The following OLFM2 variants were observed in gnomAD, a reference collection of about 807,000 sequenced individuals.
OLFM2 encodes the protein noelin-2.
OLFM2 carries 20 observed loss-of-function variants against 43.9 expected under a neutral mutation model. That is an observed-to-expected ratio of 0.46 (90% CI 0.32 to 0.66). The LOEUF is 0.66. Among genes scored for constraint, OLFM2 ranks in the 30% least tolerant of loss-of-function variants. The pLI is 0.04. For synonymous variants in OLFM2, 268 were observed against 278.6 expected (o/e 0.96, Z 0.38); for missense variants, 416 against 643.6 (o/e 0.65, Z 3.83).
chr19:9,927,526 C>T (rs930239951), intron 1 of OLFM2, among the ~76,000 whole-genome samples: 10 of 152,154 alleles, frequency 6.6e-5, no homozygotes, highest in African/African-American at 2.2e-4. Context: ...TGACCAATGA[C>T]TTTCTTCTGT....
At chr19:9,862,801 C>A (rs2046373501) in intron 1 of OLFM2, among the ~76,000 whole-genome samples, 1 of 151,900 alleles carries the variant, frequency 6.6e-6, no homozygotes, top group Non-Finnish European at 1.5e-5. Flanking sequence ...ATGGTAAAAC[C>A]CCGTCTCTAC....
chr19:9,920,444 G>C (rs1198120279), intron 1 of OLFM2, among the ~76,000 whole-genome samples: 5 of 152,044 alleles, frequency 3.3e-5, no homozygotes, highest in Non-Finnish European at 7.4e-5. Flanking sequence ...AGAAATGAGA[G>C]ATTATTTACT....
chr19:9,926,619 A>G (rs193137415), intron 1 of OLFM2, among the ~76,000 whole-genome samples: 1 of 152,258 alleles, frequency 6.6e-6, no homozygotes, highest in African/African-American at 2.4e-5. Context: ...TTTTACCACA[A>G]TTAAAAATTT....
chr19:9,898,447 G>A (rs949252020), intron 1 of OLFM2, among the ~76,000 whole-genome samples: 10 of 151,910 alleles, frequency 6.6e-5, no homozygotes, highest in South Asian at 6.2e-4. Context: ...GCTTGAACCC[G>A]GGAGGTGGAG....
intron 1 of OLFM2, among the ~76,000 whole-genome samples, chr19:9,895,406 GA>G (rs2144968543): frequency 6.6e-6 from 1 of 152,026 alleles, no homozygotes; most frequent in Admixed American, 6.6e-5. Flanking sequence ...TGAGGTGGGG[GA>G]TCACTTGAGC....
chr19:9,915,994 T>C (rs748067533), intron 1 of OLFM2, among the ~76,000 whole-genome samples: 1 of 152,082 alleles, frequency 6.6e-6, no homozygotes, highest in Non-Finnish European at 1.5e-5. Flanking sequence ...TAAGGAATGA[T>C]GATGTTTGTA....
chr19:9,916,860 C>G (rs1348610326), intron 1 of OLFM2, among the ~76,000 whole-genome samples: 1 of 152,198 alleles, frequency 6.6e-6, no homozygotes, highest in African/African-American at 2.4e-5. Flanking sequence ...ATCATTCTCA[C>G]AGTCAGTCAG....
At chr19:9,913,439 G>A (rs868338971) in intron 1 of OLFM2, 3 of 1,013,086 alleles carry the variant, frequency 3.0e-6, no homozygotes, top group South Asian at 4.4e-5. Flanking sequence ...TGTGGCGCGG[G>A]TACCACGCCC....
intron 1 of OLFM2, among the ~76,000 whole-genome samples, chr19:9,909,766 C>T (rs1023543753): frequency 1.3e-5 from 2 of 152,172 alleles, no homozygotes; most frequent in African/African-American, 2.4e-5. Context: ...CATTTGTTCT[C>T]CCCAGTCCTG....
At chr19:9,901,873 T>C (rs1339429770) in intron 1 of OLFM2, among the ~76,000 whole-genome samples, 2 of 152,228 alleles carry the variant, frequency 1.3e-5, no homozygotes, top group African/African-American at 4.8e-5. Context: ...GAAACGCCAT[T>C]GTGCATTAGA....
rs1291096301 is a variant in OLFM2, at chr19:9,865,498, T to TC, written c.64-4705_64-4704insG. Among the ~76,000 whole-genome samples, 74 of 135,442 alleles carry TC rather than the reference T, an allele frequency of 5.5e-4. 1 individual carries two copies. The East Asian group carries it at 0.015, about 28-fold the overall frequency. The allele number at this position is 135,442 out of a possible 152,430, so 88.9% of individuals were successfully genotyped here. ...TCTCTGTTTTTTCTTTTTTTTTTTT[T>TC]TTTTTTTTTTTGAGAGGGAGTCTTG... On this transcript the variant is annotated intron_variant, in intron 1 of 5. Coordinates refer to ENST00000264833, the MANE Select transcript of OLFM2 (RefSeq NM_058164.4).
intron 1 of OLFM2, among the ~76,000 whole-genome samples, chr19:9,916,591 C>A (rs148111575): frequency 6.6e-6 from 1 of 152,128 alleles, no homozygotes; most frequent in Admixed American, 6.6e-5. Context: ...TGATTTCAGA[C>A]CCTAAGACCA....
At position 9,857,771 on chromosome 19, in the gene OLFM2, T is replaced by G; in HGVS notation, c.304A>C (p.Ser102Arg). The G allele has an allele frequency of 6.2e-7, 1 of 1,614,096 alleles. No individual in the cohort carries two copies. The highest frequency in any genetic ancestry group is 8.5e-7 in the Non-Finnish European group (1 of 1,180,032). Residue 102 changes from serine to arginine, a missense_variant, in exon 3 of 6, where the codon AGC (serine) becomes CGC (arginine). Ser to Arg is a moderately radical substitution (Grantham distance 110, BLOSUM62 -1). Coordinates refer to ENST00000264833, the MANE Select transcript of OLFM2 (RefSeq NM_058164.4). This position sits in a 1 kb window ranked among gnomAD's most constrained non-coding sequence, Gnocchi z 5.7. ...GCTGCCCGGAGCCGCGCATCCAGGC[T>G]CCGCATGAGGGTCTCCATGCCGCGT... ...YVRGMETLMRSLDARLRAADG... is the reference protein window; with the variant it reads ...YVRGMETLMRRLDARLRAADG...
At chr19:9,920,694 G>C (rs1236694481) in intron 1 of OLFM2, among the ~76,000 whole-genome samples, 1 of 148,838 alleles carries the variant, frequency 6.7e-6, no homozygotes, top group South Asian at 2.1e-4. Flanking sequence ...CCAGGAGTTC[G>C]AGACCACCCT....
intron 2 of OLFM2, 134 bp downstream of exon 2, chr19:9,860,511 G>C (rs1406435408): frequency 1.1e-6 from 1 of 915,794 alleles, no homozygotes; most frequent in Non-Finnish European, 1.6e-6. Flanking sequence ...CTGGAGAGGA[G>C]CTGGATTATC....
intron 1 of OLFM2, among the ~76,000 whole-genome samples, chr19:9,932,468 AAAAG>A (rs1405094257): frequency 1.2e-3 from 175 of 141,888 alleles, no homozygotes; most frequent in Non-Finnish European, 1.9e-3. Context: ...AAAAAAAAAA[AAAAG>A]AAAGAAAGAG....
chr19:9,862,988 C>CA (rs33975846), intron 1 of OLFM2, among the ~76,000 whole-genome samples: 126,038 of 135,754 alleles, frequency 0.93, 58,935 homozygotes, highest in Non-Finnish European at 0.99. Flanking sequence ...AACTCTGTCT[C>CA]AAAAAAAAAA....
intron 1 of OLFM2, among the ~76,000 whole-genome samples, chr19:9,911,569 C>A (rs1425421325): frequency 2.0e-5 from 3 of 152,120 alleles, no homozygotes; most frequent in Admixed American, 2.0e-4. Context: ...CACACACTTT[C>A]ATAAATACAC....
chr19:9,888,339 ATGG>A (rs1257692603), intron 1 of OLFM2, among the ~76,000 whole-genome samples: 1 of 151,874 alleles, frequency 6.6e-6, no homozygotes, highest in Non-Finnish European at 1.5e-5. Context: ...CCTGGCTAAC[ATGG>A]TGAAACCCCC....
Sources: gnomAD v4.1 joint callset for allele counts (sites outside exome capture counted in the v4.1 genomes callset) on GRCh38, gnomAD v4.1.1 for gene constraint, Gnocchi (gnomAD v3.1) non-coding constraint, MANE v1.5 for transcripts, NCBI Gene and HGNC (gene_info 2026-07-23, HGNC 2026-07-21) for gene names.